The following EYS variants were observed in gnomAD, a reference collection of about 807,000 sequenced individuals.
EYS encodes the protein protein eyes shut homolog.
A neutral mutation model predicts 282.1 loss-of-function variants in EYS; 250 were observed. That is an observed-to-expected ratio of 0.89 (90% CI 0.80 to 0.98). EYS has a LOEUF of 0.98. EYS is among the 50% of genes least tolerant of loss of function. The probability of loss-of-function intolerance (pLI) is 0.00; values close to 1 mark genes in which losing one functional copy is unlikely to be tolerated. For missense variants in EYS, 4,016 were observed against 3,709.0 expected, an observed-to-expected ratio of 1.08 and a Z score of -2.15; for synonymous variants, 1,355 against 1,282.9, an observed-to-expected ratio of 1.06 and a Z score of -1.20.
intron 11 of EYS, among the ~76,000 whole-genome samples, chr6:65,297,826 CA>C (rs1249394706): frequency 1.6e-4 from 25 of 152,044 alleles, no homozygotes; most frequent in Non-Finnish European, 1.6e-4. Flanking sequence ...TAGGTAAATT[CA>C]AAACAACTGC....
chr6:64,517,817 C>A (rs1228136442), intron 26 of EYS, among the ~76,000 whole-genome samples: 1 of 151,844 alleles, frequency 6.6e-6, no homozygotes, highest in Non-Finnish European at 1.5e-5. Flanking sequence ...ATTGGAGCAC[C>A]TCAAAACTTC....
intron 5 of EYS, among the ~76,000 whole-genome samples, chr6:65,467,595 T>C (rs866957113): frequency 8.5e-5 from 13 of 152,126 alleles, no homozygotes; most frequent in African/African-American, 2.9e-4. Context: ...AAAATCTGAA[T>C]AAATGAAGAG....
At chr6:65,487,226 G>GAGAGAGGAC (rs1765817909) in intron 5 of EYS, among the ~76,000 whole-genome samples, 3 of 152,190 alleles carry the variant, frequency 2.0e-5, no homozygotes, top group Admixed American at 2.0e-4. Flanking sequence ...TACGAGTGGT[G>GAGAGAGGAC]AGAGAGGACA....
chr6:65,523,463 T>C (rs953517532), intron 2 of EYS, among the ~76,000 whole-genome samples: 1 of 152,070 alleles, frequency 6.6e-6, no homozygotes, highest in Non-Finnish European at 1.5e-5. Flanking sequence ...CACTTATATG[T>C]GGAATCTAAA....
intron 5 of EYS, among the ~76,000 whole-genome samples, chr6:65,488,428 A>G (rs1765895609): frequency 6.6e-6 from 1 of 151,928 alleles, no homozygotes; most frequent in Non-Finnish European, 1.5e-5. Flanking sequence ...CATTTTGTGA[A>G]GGACGTCTTC....
At chr6:65,331,527 T>G in intron 11 of EYS, 1 of 961,536 alleles carries the variant, frequency 1.0e-6, no homozygotes, top group Admixed American at 6.2e-5. Flanking sequence ...ATTGTTAGTA[T>G]TAATTATGAG....
chr6:64,884,841 A>C (rs769981757), intron 19 of EYS, among the ~76,000 whole-genome samples: 1 of 151,672 alleles, frequency 6.6e-6, no homozygotes, highest in Admixed American at 6.6e-5. Context: ...AAAGTGGTAC[A>C]CTTTTAATTT....
At chr6:64,938,954 T>A (rs939144577) in intron 15 of EYS, among the ~76,000 whole-genome samples, 1 of 151,774 alleles carries the variant, frequency 6.6e-6, no homozygotes, top group Non-Finnish European at 1.5e-5. Flanking sequence ...ACTATTGTAC[T>A]GAATTGTACA....
chr6:65,055,849 G>C (rs77021521), intron 13 of EYS, among the ~76,000 whole-genome samples: 1 of 151,908 alleles, frequency 6.6e-6, no homozygotes, highest in East Asian at 2.0e-4. Flanking sequence ...GTTAACCTTG[G>C]TCCTGTAGCT....
chr6:64,859,869 C>T (rs1766180049), intron 19 of EYS, among the ~76,000 whole-genome samples: 1 of 152,214 alleles, frequency 6.6e-6, no homozygotes, highest in South Asian at 2.1e-4. Context: ...AAGCCATCTA[C>T]AGATTCAGTG....
chr6:63,746,094 T>G (rs2149645475), intron 41 of EYS, among the ~76,000 whole-genome samples: 1 of 152,300 alleles, frequency 6.6e-6, no homozygotes, highest in East Asian at 1.9e-4. Context: ...TTTGAGATAC[T>G]TTCCATCAGT....
At chr6:64,867,897 T>G (rs1766472752) in intron 19 of EYS, among the ~76,000 whole-genome samples, 1 of 151,592 alleles carries the variant, frequency 6.6e-6, no homozygotes. Flanking sequence ...AAATGAACTT[T>G]CATTAGACAA....
rs112388321 is a variant in EYS, at chr6:64,085,340, G to GCGCGCACACACACACACA, written c.6425-3339_6425-3338insTGTGTGTGTGTGTGCGCG. On this transcript the variant is annotated intron_variant, in intron 31 of 42. Transcript: ENST00000503581. ...CGCGCGCGCGTGCGCACGTGCGCGCGCACACACACACACACACACACACAC... is the reference window on the plus strand; with the variant it reads ...CGCGCGCGCGTGCGCACGTGCGCGCGCGCGCACACACACACACACACACACACACACACACACACACAC... 3.5e-3 allele frequency among the ~76,000 whole-genome samples: 495 copies of GCGCGCACACACACACACA among 139,858 alleles called. 2 individuals are homozygous for GCGCGCACACACACACACA. Among genetic ancestry groups the GCGCGCACACACACACACA allele is most frequent in the African/African-American group, 0.011 (395 of 35,728 alleles). The allele number at this position is 139,858 out of a possible 152,430, so 91.8% of individuals were successfully genotyped here. A position where few individuals can be genotyped will look rare whatever the true frequency, so the allele number is the denominator to read the frequency against.
At chr6:64,117,853 A>G (rs1773442481) in intron 31 of EYS, among the ~76,000 whole-genome samples, 1 of 152,088 alleles carries the variant, frequency 6.6e-6, no homozygotes, top group Non-Finnish European at 1.5e-5. Context: ...TAAATGCAGT[A>G]AAGTTTTGGG....
rs370956804 is a variant in EYS at position 64,778,572 on chromosome 6, T to TA, written c.3443+34805dup. ...GAGAATTTAAACATGAATCTCTCAC[T>TA]AAAAAATGTGGCTTGGTCAAGAGAA... On this transcript the variant is annotated intron_variant, in intron 22 of 42. Transcript: ENST00000503581. Among the ~76,000 whole-genome samples, 277 of 151,902 alleles carry TA rather than the reference T, an allele frequency of 1.8e-3. 1 individual carries two copies. The highest frequency in any genetic ancestry group is 6.6e-3 in the African/African-American group (272 of 41,224).
At chr6:65,076,222 G>A (rs1288223500) in intron 12 of EYS, among the ~76,000 whole-genome samples, 4 of 151,802 alleles carry the variant, frequency 2.6e-5, no homozygotes, top group African/African-American at 9.7e-5. Flanking sequence ...CTTTTATTGT[G>A]GCATTTTAAG....
chr6:65,654,761 TACCTGAC>T, intron 1 of EYS, among the ~76,000 whole-genome samples: 2 of 151,718 alleles, frequency 1.3e-5, no homozygotes, highest in South Asian at 4.2e-4. Context: ...TCCTGAGAAT[TACCTGAC>T]AAAAGTGAGA....
intron 12 of EYS, among the ~76,000 whole-genome samples, chr6:65,290,116 T>C (rs1768482580): frequency 6.6e-6 from 1 of 151,088 alleles, no homozygotes. Context: ...TATTTGTAGC[T>C]CCAAACTTGT....
At chr6:65,072,972 G>A (rs897246068) in intron 12 of EYS, among the ~76,000 whole-genome samples, 3 of 151,212 alleles carry the variant, frequency 2.0e-5, no homozygotes, top group Admixed American at 2.0e-4. Context: ...TATAATTAAT[G>A]TTTTTTATGA....
Sources: allele counts gnomAD v4.1 joint callset (sites outside exome capture counted in the v4.1 genomes callset), GRCh38; gene constraint gnomAD v4.1.1; transcripts MANE v1.5; gene names NCBI Gene and HGNC (gene_info 2026-07-23, HGNC 2026-07-21).